MEI4: variants seen among roughly 807,000 people sequenced by gnomAD.
MEI4 encodes the protein meiosis-specific protein MEI4.
A neutral mutation model predicts 31.4 loss-of-function variants in MEI4; 27 were observed. The ratio of observed to expected loss-of-function variants is 0.86; its 90% CI spans 0.63 to 1.19. The LOEUF (loss-of-function observed/expected upper bound fraction) is 1.19, where lower values mean the gene tolerates loss of function less well. MEI4 is among the 50% of genes most tolerant of loss of function. The pLI, the probability that MEI4 is intolerant of heterozygous loss-of-function variation, is 0.00. For missense variants in MEI4, 329 were observed against 398.9 expected (o/e 0.82, Z 1.49); for synonymous variants, 122 against 145.4 (o/e 0.84, Z 1.16).
chr6:77,809,751 T>G (rs2127704420), intron 3 of MEI4, among the ~76,000 whole-genome samples: 1 of 152,272 alleles, frequency 6.6e-6, no homozygotes, highest in South Asian at 2.1e-4. Flanking sequence ...TTAGGGAGGG[T>G]TTAAGTATCT....
At position 77,683,374 on chromosome 6, in the gene MEI4, A is replaced by G. The variant is rs1768992624; in HGVS notation, c.-14-7284A>G. 2.0e-5 allele frequency among the ~76,000 whole-genome samples: 3 copies of G among 152,194 alleles called. No individual in the cohort carries two copies. In the South Asian group the frequency reaches 6.2e-4, roughly 31 times the overall value. On this transcript the variant is annotated intron_variant, in intron 1 of 4. Coordinates refer to ENST00000684080, the MANE Select transcript of MEI4 (RefSeq NM_001322247.2). ...AAATGATTAAGTCAAGCCAGTTAAC[A>G]TGGCAGTCACCTCATATACTTATTT... is the stretch of plus-strand genomic sequence containing the variant.
At chr6:77,781,765 T>C (rs1221288116) in intron 3 of MEI4, among the ~76,000 whole-genome samples, 4 of 152,178 alleles carry the variant, frequency 2.6e-5, no homozygotes, top group Non-Finnish European at 4.4e-5. Flanking sequence ...ACAGGCCTAC[T>C]TAAGAGCTCT....
intron 2 of MEI4, among the ~76,000 whole-genome samples, chr6:77,756,463 T>G (rs1767920920): frequency 6.6e-6 from 1 of 152,104 alleles, no homozygotes; most frequent in South Asian, 2.1e-4. Context: ...TGAGGACAGA[T>G]AGGAGCAGAA....
At chr6:77,922,906 T>G (rs1766741449) in intron 4 of MEI4, among the ~76,000 whole-genome samples, 183 bp from the exon 5 acceptor site, 1 of 151,752 alleles carries the variant, frequency 6.6e-6, no homozygotes, top group South Asian at 2.1e-4. Context: ...TCACCATGAT[T>G]GTAAAGTCTT....
intron 3 of MEI4, 74 bp downstream of exon 3, chr6:77,761,739 T>G (rs1385441592): frequency 9.6e-7 from 1 of 1,045,732 alleles, no homozygotes; most frequent in African/African-American, 1.7e-5. Flanking sequence ...TAATGTCTGT[T>G]GTTGTCCCTT....
At chr6:77,661,032 T>C (rs1188286716) in intron 1 of MEI4, among the ~76,000 whole-genome samples, 3 of 152,096 alleles carry the variant, frequency 2.0e-5, no homozygotes, top group Non-Finnish European at 2.9e-5. Flanking sequence ...AGAGGGCTGG[T>C]GTCTGGGATG....
chr6:77,861,248 T>G (rs1033017640), intron 4 of MEI4, among the ~76,000 whole-genome samples: 5 of 152,222 alleles, frequency 3.3e-5, no homozygotes, highest in Non-Finnish European at 7.3e-5. Context: ...GTACTGGTGA[T>G]CTTGTGATTT....
chr6:77,906,839 C>G (rs1302254840), intron 4 of MEI4, among the ~76,000 whole-genome samples: 1 of 152,112 alleles, frequency 6.6e-6, no homozygotes, highest in Admixed American at 6.6e-5. Flanking sequence ...AAAGAGAGGA[C>G]AGGCAGGCTC....
At chr6:77,737,743 G>C (rs1396793380) in intron 2 of MEI4, among the ~76,000 whole-genome samples, 1 of 152,138 alleles carries the variant, frequency 6.6e-6, no homozygotes, top group Non-Finnish European at 1.5e-5. Context: ...AAGGAAAGAA[G>C]GGAGAGATAG....
rs574914455 is a variant in MEI4, at chr6:77,742,588, G to A, written c.233-18542G>A. On this transcript the variant is annotated intron_variant, in intron 2 of 4. Transcript: ENST00000684080. ...TTGTAGGTTGCCTATTCACTCTGAC[G>A]TAGTTTCTTTTGCTGTGCAGACGCT... Among the ~76,000 whole-genome samples, 8 of 152,244 alleles carry A rather than the reference G, an allele frequency of 5.3e-5. No homozygotes were observed. In the South Asian group the frequency reaches 6.2e-4, roughly 12 times the overall value.
intron 1 of MEI4, among the ~76,000 whole-genome samples, chr6:77,690,023 T>A (rs1027129368): frequency 4.6e-5 from 7 of 152,102 alleles, no homozygotes; most frequent in African/African-American, 1.7e-4. Context: ...TGGAAAAGTA[T>A]GCTCAGAATG....
At chr6:77,735,953 AG>A (rs55796221) in intron 2 of MEI4, among the ~76,000 whole-genome samples, 20,979 of 152,000 alleles carry the variant, frequency 0.14, 1,577 homozygotes, top group Middle Eastern at 0.21. Flanking sequence ...CTCGGGGGTC[AG>A]GGGTCAGGGA....
chr6:77,736,803 A>G (rs1466195143), intron 2 of MEI4, among the ~76,000 whole-genome samples: 1 of 152,090 alleles, frequency 6.6e-6, no homozygotes, highest in East Asian at 1.9e-4. Context: ...TAGTCCAGAG[A>G]AAGATACTAA....
chr6:77,814,973 G>T (rs1461794722), intron 3 of MEI4, among the ~76,000 whole-genome samples: 1 of 152,086 alleles, frequency 6.6e-6, no homozygotes, highest in Non-Finnish European at 1.5e-5. Flanking sequence ...CATATGGATT[G>T]TGTTCTGTGC....
intron 2 of MEI4, among the ~76,000 whole-genome samples, chr6:77,736,296 G>T (rs977181853): frequency 1.3e-5 from 2 of 151,956 alleles, no homozygotes; most frequent in Middle Eastern, 3.2e-3. Context: ...GACTCCGTGG[G>T]CGTATTACCC....
rs569015341 is a variant in MEI4 at position 77,784,002 on chromosome 6, T to G, written c.768+22337T>G. On this transcript the variant is annotated intron_variant, in intron 3 of 4. Transcript: ENST00000684080. ...ATTAAGAGAAATCAAGTTAAACCGC[T>G]ACAGAGAACTCCAGTGTGCATTTCT... Among the ~76,000 whole-genome samples, 46 of 152,272 alleles carry G rather than the reference T, an allele frequency of 3.0e-4. No individual in the cohort carries two copies. The South Asian group carries it at 9.5e-3, about 32-fold the overall frequency.
intron 2 of MEI4, among the ~76,000 whole-genome samples, chr6:77,732,778 T>A (rs1270057346): frequency 6.6e-6 from 1 of 152,044 alleles, no homozygotes; most frequent in Non-Finnish European, 1.5e-5. Flanking sequence ...CATAGATAGC[T>A]CTTATTATTT....
At chr6:77,687,953 T>C (rs1769089069) in intron 1 of MEI4, among the ~76,000 whole-genome samples, 1 of 152,144 alleles carries the variant, frequency 6.6e-6, no homozygotes, top group Non-Finnish European at 1.5e-5. Flanking sequence ...GGGGTGGGAC[T>C]GAAAGTTCCA....
rs187375806 is a variant in MEI4 at position 77,792,039 on chromosome 6, G to A, written c.768+30374G>A. ...GCTTTCTAATGTAAGAGAGATTATA[G>A]GGTATTTGTCTTTTTGTGCCTTGGT... On this transcript the variant is annotated intron_variant, in intron 3 of 4. Transcript: ENST00000684080. 4.9e-3 allele frequency among the ~76,000 whole-genome samples: 747 copies of A among 152,258 alleles called. 3 individuals carry two copies. The highest frequency in any genetic ancestry group is 8.0e-3 in the Admixed American group (122 of 15,284).
Sources: gnomAD v4.1 joint callset for allele counts (sites outside exome capture counted in the v4.1 genomes callset) on GRCh38, gnomAD v4.1.1 for gene constraint, MANE v1.5 for transcripts, NCBI Gene and HGNC (gene_info 2026-07-23, HGNC 2026-07-21) for gene names.